GRM4: variants seen among roughly 807,000 people sequenced by gnomAD.
GRM4 encodes metabotropic glutamate receptor 4.
In GRM4, 28 loss-of-function variants were observed where a neutral mutation model predicts 81.7. The observed-to-expected ratio is 0.34, with a 90% CI of 0.25 to 0.47. The LOEUF (loss-of-function observed/expected upper bound fraction) is 0.47, where lower values mean the gene tolerates loss of function less well. Ranked by LOEUF, GRM4 falls within the 20% of genes least tolerant of loss-of-function variation. The pLI, the probability that GRM4 is intolerant of heterozygous loss-of-function variation, is 1.00. For synonymous variants in GRM4, 488 were observed against 528.8 expected, an observed-to-expected ratio of 0.92 and a Z score of 1.06; for missense variants, 948 against 1,290.0, an observed-to-expected ratio of 0.73 and a Z score of 4.06.
chr6:34,107,179 G>A (rs937418239), intron 2 of GRM4, among the ~76,000 whole-genome samples: 4 of 152,174 alleles, frequency 2.6e-5, no homozygotes, highest in Non-Finnish European at 5.9e-5. Context: ...TGCCTCCCAC[G>A]GCTGTCCTTG....
At chr6:34,120,011 G>A (rs1045564476) in intron 2 of GRM4, among the ~76,000 whole-genome samples, 12 of 152,196 alleles carry the variant, frequency 7.9e-5, no homozygotes, top group African/African-American at 2.9e-4. Flanking sequence ...TGCCTCCAGG[G>A]CCAGGCTGGG....
chr6:34,047,002 C>T lies in GRM4; in HGVS notation c.1169-6254G>A, dbSNP rs1270542054. Among the ~76,000 whole-genome samples, 1 of 152,146 alleles carries T rather than the reference C, an allele frequency of 6.6e-6. No individual in the cohort carries two copies. The highest frequency in any genetic ancestry group is 2.4e-5 in the African/African-American group (1 of 41,424). ...ATGGACCAAACAAACACACATGGCT[C>T]TGACTCTTGGCTGGGCCATGGCCCA... is the stretch of plus-strand genomic sequence containing the variant. On this transcript the variant is annotated intron_variant, in intron 6 of 10. Transcript: ENST00000538487. The surrounding 1 kb of genome is among the most constrained non-coding windows in gnomAD (Gnocchi z 4.5).
At chr6:34,044,843 TATAC>T in intron 6 of GRM4, among the ~76,000 whole-genome samples, 1 of 133,562 alleles carries the variant, frequency 7.5e-6, no homozygotes, top group South Asian at 2.3e-4. Context: ...CATACACATA[TATAC>T]ATAGACACAC....
Position 34,089,837 on chromosome 6 carries a change from A to C in GRM4, c.736+2046T>G, listed in dbSNP as rs1343432996. On this transcript the variant is annotated intron_variant, in intron 3 of 10. Coordinates refer to ENST00000538487, the MANE Select transcript of GRM4 (RefSeq NM_000841.4). This position sits in a 1 kb window ranked among gnomAD's most constrained non-coding sequence, Gnocchi z 4.3. ...CATCCCATGCCTCTCCTGTCCCTCC[A>C]GGCTGTGTGTACATGGGTGTGCCTG... Among the ~76,000 whole-genome samples, 1 of 152,048 alleles carries C rather than the reference A, an allele frequency of 6.6e-6. No homozygotes were observed. Among genetic ancestry groups the C allele is most frequent in the Non-Finnish European group, 1.5e-5 (1 of 67,992 alleles).
At chr6:34,106,361 G>C (rs1561816867) in intron 2 of GRM4, among the ~76,000 whole-genome samples, 2 of 151,304 alleles carry the variant, frequency 1.3e-5, no homozygotes, top group African/African-American at 2.4e-5. Flanking sequence ...ATTGCAGTGA[G>C]CTGAGATCGC....
exon 1 of GRM4, chr6:34,155,169 C>G: frequency 6.5e-7 from 1 of 1,535,202 alleles, no homozygotes; most frequent in Non-Finnish European, 8.7e-7. Context: ...CGGATTCGTG[C>G]GCGGCCAGGC....
At chr6:34,085,442 G>C (rs1417220463) in intron 3 of GRM4, among the ~76,000 whole-genome samples, 4 of 152,216 alleles carry the variant, frequency 2.6e-5, no homozygotes, top group Non-Finnish European at 4.4e-5. Context: ...AGTAGAGAGA[G>C]GAAGGGGAAC....
chr6:34,093,363 C>G (rs193185451), intron 2 of GRM4, among the ~76,000 whole-genome samples: 11 of 152,386 alleles, frequency 7.2e-5, no homozygotes, highest in Admixed American at 5.9e-4. Context: ...GAAGCCCCAC[C>G]TCAATATCCC....
rs980257803 is a variant in GRM4 at position 34,110,747 on chromosome 6, T to C, written c.520-18648A>G. The stretch of plus-strand genomic sequence containing the variant: ...CTGGGCTGGTAGCACCTGCAGCCCG[T>C]GAGTCCCCAGGGCATCAGAGATCAA... On this transcript the variant is annotated intron_variant, in intron 2 of 10. Transcript: ENST00000538487. The C allele has an allele frequency of 6.7e-6, 10 of 1,497,994 alleles. No individual in the cohort carries two copies. The Admixed American group carries it at 2.2e-4, about 33-fold the overall frequency. 92.8% of individuals were successfully genotyped at this position (1,497,994 alleles called of 1,614,324 possible). A position where few individuals can be genotyped will look rare whatever the true frequency, so the allele number is the denominator to read the frequency against.
At position 34,080,580 on chromosome 6, in the gene GRM4, G is replaced by T. The variant is rs911873843; in HGVS notation, c.736+11303C>A. Among the ~76,000 whole-genome samples the T allele has an allele frequency of 6.6e-6, 1 of 152,146 alleles. No homozygotes were observed. ...GGCTGGAGGGCAGAAGGAAAAAAAT[G>T]GCCACGCCCCTCCTCACCAGCCATA... On this transcript the variant is annotated intron_variant, in intron 3 of 10. Coordinates refer to ENST00000538487, the MANE Select transcript of GRM4 (RefSeq NM_000841.4). The surrounding 1 kb of genome is among the most constrained non-coding windows in gnomAD (Gnocchi z 5.4).
At chr6:34,137,095 A>C (rs1450959681) in intron 1 of GRM4, among the ~76,000 whole-genome samples, 2 of 152,142 alleles carry the variant, frequency 1.3e-5, no homozygotes, top group Non-Finnish European at 1.5e-5. Flanking sequence ...TAGCCAGGAG[A>C]GCTCAAGCCT....
intron 1 of GRM4, among the ~76,000 whole-genome samples, 167 bp downstream of exon 1, chr6:34,145,833 A>C (rs1770908176): frequency 6.6e-6 from 1 of 151,712 alleles, no homozygotes; most frequent in Non-Finnish European, 1.5e-5. Flanking sequence ...CCTGGAGCCC[A>C]CCCCCTACCC....
At chr6:34,072,719 C>CCA (rs1179442357) in intron 3 of GRM4, among the ~76,000 whole-genome samples, 1 of 7,532 alleles carries the variant, frequency 1.3e-4, no homozygotes, top group Non-Finnish European at 2.8e-4. Flanking sequence ...ACACATATCA[C>CCA]CACAGATTAC....
rs531376152 is a variant in GRM4, at chr6:34,141,929, A to G, written c.-364+4071T>C. Among the ~76,000 whole-genome samples the G allele has an allele frequency of 3.9e-5, 6 of 152,290 alleles. No homozygotes were observed. The South Asian group carries it at 6.2e-4, about 16-fold the overall frequency. ...GGCAGCAGGGAGAGGGAGCCCAGAGAGAGTACACAGAGAGAGGAGAGACAT... is the reference window on the plus strand; with the variant it reads ...GGCAGCAGGGAGAGGGAGCCCAGAGGGAGTACACAGAGAGAGGAGAGACAT... On this transcript the variant is annotated intron_variant, in intron 1 of 10. Transcript: ENST00000538487.
intron 6 of GRM4, among the ~76,000 whole-genome samples, chr6:34,052,276 A>G (rs1765652236): frequency 6.6e-6 from 1 of 152,230 alleles, no homozygotes; most frequent in Non-Finnish European, 1.5e-5. Context: ...AATTGTTCAC[A>G]GTGGCAACCA....
chr6:34,022,491 CACAG>C lies in GRM4; in HGVS notation c.*326_*329del, dbSNP rs944695557. 9 of 381,228 alleles carry C rather than the reference CACAG, an allele frequency of 2.4e-5. No individual in the cohort carries two copies. Among genetic ancestry groups the C allele is most frequent in the African/African-American group, 1.6e-4 (8 of 48,792 alleles). 23.6% of individuals were successfully genotyped at this position (381,228 alleles called of 1,614,324 possible). ...AGACAGACAGAGGGGTCGCCAACAG[CACAG>C]ACAGAGACGAAGGGAGGGAGAGATC... On this transcript the variant is annotated 3_prime_UTR_variant, in exon 11 of 11. Coordinates refer to ENST00000538487, the MANE Select transcript of GRM4 (RefSeq NM_000841.4). The surrounding 1 kb of genome is among the most constrained non-coding windows in gnomAD (Gnocchi z 5.6).
intron 8 of GRM4, among the ~76,000 whole-genome samples, chr6:34,039,018 C>T (rs369206890): frequency 1.6e-3 from 237 of 152,324 alleles, no homozygotes; most frequent in Non-Finnish European, 1.8e-3. Context: ...CCCCGGCCCC[C>T]GTGCTCTGCC....
At chr6:34,129,405 C>T (rs1013005337) in intron 2 of GRM4, among the ~76,000 whole-genome samples, 2 of 152,218 alleles carry the variant, frequency 1.3e-5, no homozygotes, top group African/African-American at 4.8e-5. Context: ...GGGATTCAAA[C>T]CCAGGCCTGA....
At position 34,133,047 on chromosome 6, in the gene GRM4, C is replaced by T. The variant is rs569068892; in HGVS notation, c.450G>A (p.Val150=). The change falls in exon 2 of 11, where the codon GTG becomes GTA. Residue 150 remains valine, a synonymous_variant. Transcript: ENST00000538487. This position sits in a 1 kb window ranked among gnomAD's most constrained non-coding sequence, Gnocchi z 6.5. ...TCCCTGAAGCACCGATGACACCCAC[C>T]ACACGTTCAGGCTTGGTGATGATGG... ...GPPIITKPER[V]VGVIGASGSS... The T allele has an allele frequency of 2.5e-6, 4 of 1,614,034 alleles. No individual in the cohort carries two copies. In the East Asian group the frequency reaches 8.9e-5, roughly 36 times the overall value.
Sources: gnomAD v4.1 joint callset for allele counts (sites outside exome capture counted in the v4.1 genomes callset) on GRCh38, gnomAD v4.1.1 for gene constraint, Gnocchi (gnomAD v3.1) non-coding constraint, MANE v1.5 for transcripts, NCBI Gene and HGNC (gene_info 2026-07-23, HGNC 2026-07-21) for gene names.